Variants in RAD23B observed in about 807,000 individuals in gnomAD.
RAD23B encodes RAD23 nucleotide excision repair protein B.
A neutral mutation model predicts 49.1 loss-of-function variants in RAD23B; 5 were observed. That is an observed-to-expected ratio of 0.10 (90% CI 0.05 to 0.21). RAD23B has a LOEUF of 0.21. Among genes scored for constraint, RAD23B ranks in the 10% least tolerant of loss-of-function variants. RAD23B has a pLI of 1.00. For synonymous variants in RAD23B, 184 were observed against 165.4 expected, an observed-to-expected ratio of 1.11 and a Z score of -0.86; for missense variants, 356 against 486.7, an observed-to-expected ratio of 0.73 and a Z score of 2.53.
chr9:107,308,548 A>C (rs927097462), intron 4 of RAD23B, among the ~76,000 whole-genome samples: 11 of 152,086 alleles, frequency 7.2e-5, no homozygotes, highest in African/African-American at 2.7e-4. Flanking sequence ...TTCTTCCTGG[A>C]GTTGCAGTTT....
At chr9:107,300,687 G>A (rs190097985) in intron 2 of RAD23B, among the ~76,000 whole-genome samples, 27 of 152,196 alleles carry the variant, frequency 1.8e-4, no homozygotes, top group Non-Finnish European at 2.9e-4. Context: ...AATCAGTAAG[G>A]AAAGGATGAC....
chr9:107,299,994 G>T (rs1826614657), intron 1 of RAD23B, 147 bp from the exon 2 acceptor site: 2 of 1,028,746 alleles, frequency 1.9e-6, no homozygotes, highest in South Asian at 2.0e-5. Context: ...AATCTTTTTT[G>T]ATATAAATTG....
chr9:107,295,063 T>A (rs9632893), intron 1 of RAD23B, among the ~76,000 whole-genome samples: 24,868 of 150,138 alleles, frequency 0.17, 2,439 homozygotes, highest in Admixed American at 0.24. Flanking sequence ...AAGAGCAGTG[T>A]TAATGGAATG....
intron 1 of RAD23B, 41 bp downstream of exon 1, chr9:107,283,736 C>CCGCGGGGAG: frequency 7.3e-7 from 1 of 1,376,312 alleles, no homozygotes; most frequent in Non-Finnish European, 9.5e-7. Context: ...CGCGTGCGGG[C>CCGCGGGGAG]CGCGGGGAGC....
At chr9:107,301,993 A>T (rs1355362003) in intron 2 of RAD23B, 42 bp from the exon 3 acceptor site, 2 of 1,597,390 alleles carry the variant, frequency 1.3e-6, no homozygotes, top group Admixed American at 3.6e-5. Flanking sequence ...TGTAAGAGAA[A>T]GATTATGCCT....
Position 107,319,161 on chromosome 9 carries a change from C to A in RAD23B, c.681+282C>A, listed in dbSNP as rs11573687. Among the ~76,000 whole-genome samples, 295 of 120,494 alleles carry A rather than the reference C, an allele frequency of 2.4e-3. 5 individuals are homozygous for A. The South Asian group carries it at 0.043, about 18-fold the overall frequency. The allele number at this position is 120,494 out of a possible 152,430, so 79.0% of individuals were successfully genotyped here. ...TTTTTTTTTTTTTGAGACGGAGTCT[C>A]GCTCTGTCGCCCAGACTGGAGTGCA... On this transcript the variant is annotated intron_variant, in intron 6 of 9. Coordinates refer to ENST00000358015, the MANE Select transcript of RAD23B (RefSeq NM_002874.5).
intron 7 of RAD23B, among the ~76,000 whole-genome samples, chr9:107,323,147 C>G (rs1467166340): frequency 6.6e-6 from 1 of 152,140 alleles, no homozygotes; most frequent in Non-Finnish European, 1.5e-5. Context: ...CATAACCAGA[C>G]AAGTACCAGC....
At chr9:107,301,399 C>T (rs1826649212) in intron 2 of RAD23B, among the ~76,000 whole-genome samples, 1 of 152,218 alleles carries the variant, frequency 6.6e-6, no homozygotes, top group Non-Finnish European at 1.5e-5. Flanking sequence ...TCTTTATCTT[C>T]ATGATCTCCT....
In RAD23B at chr9:107,314,493, C is replaced by T. The variant is rs562667474; in HGVS notation, c.553+2756C>T. 1.0e-3 allele frequency among the ~76,000 whole-genome samples: 154 copies of T among 152,218 alleles called. 2 individuals are homozygous for T. Among genetic ancestry groups the T allele is most frequent in the African/African-American group, 3.4e-3 (141 of 41,542 alleles). On this transcript the variant is annotated intron_variant, in intron 5 of 9. Transcript: ENST00000358015. Reference sequence around the variant, plus strand: ...GGATAGTGGCCTCTGTAGTTCTATCCATGTTGCTGTAAAAAAGACATGGTT... The same window carrying T: ...GGATAGTGGCCTCTGTAGTTCTATCTATGTTGCTGTAAAAAAGACATGGTT...
chr9:107,288,778 C>T (rs946969657), intron 1 of RAD23B, among the ~76,000 whole-genome samples: 5 of 151,760 alleles, frequency 3.3e-5, no homozygotes, highest in Admixed American at 3.3e-4. Flanking sequence ...AATGAGCACT[C>T]GAGAATGAAG....
At chr9:107,323,828 T>C in intron 7 of RAD23B, 62 bp from the exon 8 acceptor site, 1 of 1,449,564 alleles carries the variant, frequency 6.9e-7, no homozygotes, top group South Asian at 1.1e-5. Flanking sequence ...AAATGTATTA[T>C]TTAACCACTG....
At chr9:107,297,874 G>A (rs2147072) in intron 1 of RAD23B, among the ~76,000 whole-genome samples, 83,457 of 151,858 alleles carry the variant, frequency 0.55, 23,111 homozygotes, top group East Asian at 0.75. Context: ...TCAAGAATGA[G>A]ATATTCCTGC....
At chr9:107,297,995 G>A (rs1016744662) in intron 1 of RAD23B, among the ~76,000 whole-genome samples, 3 of 152,092 alleles carry the variant, frequency 2.0e-5, no homozygotes, top group African/African-American at 4.8e-5. Context: ...CCCACTCCAT[G>A]CCAAGCCACT....
In RAD23B at chr9:107,322,105, A is replaced by G. The variant is rs4987014; in HGVS notation, c.804A>G (p.Thr268=). The G allele has an allele frequency of 2.4e-3, 3,879 of 1,606,918 alleles. 6 individuals are homozygous for G. The highest frequency in any genetic ancestry group is 2.7e-3 in the Non-Finnish European group (3,144 of 1,176,836). The part of the protein sequence containing the change: ...AAATTTATTT[T]TSSGGHPLEF... ...CAACTACGACAGCAACAACTACAAC[A>G]ACAAGTTCTGGAGGTAAAGCGGAAT... The change falls in exon 7 of 10, where the codon ACA becomes ACG. Residue 268 remains threonine, a synonymous_variant. Coordinates refer to ENST00000358015, the MANE Select transcript of RAD23B (RefSeq NM_002874.5).
chr9:107,303,886 A>G (rs1483722836), intron 3 of RAD23B, among the ~76,000 whole-genome samples: 1 of 152,248 alleles, frequency 6.6e-6, no homozygotes, highest in Non-Finnish European at 1.5e-5. Context: ...AATTAAGCAG[A>G]AAAAGTCTCA....
At chr9:107,322,219 A>G in intron 7 of RAD23B, 101 bp downstream of exon 7, 1 of 1,358,744 alleles carries the variant, frequency 7.4e-7, no homozygotes, top group South Asian at 1.7e-5. Context: ...TTCCCAGAGC[A>G]GTCGAATAAT....
chr9:107,319,080 T>C (rs2133092168), intron 6 of RAD23B, among the ~76,000 whole-genome samples: 1 of 152,118 alleles, frequency 6.6e-6, no homozygotes, highest in East Asian at 1.9e-4. Flanking sequence ...GTAGTAGCTT[T>C]TTAGGTGCCA....
intron 4 of RAD23B, among the ~76,000 whole-genome samples, chr9:107,310,743 C>G (rs1354368139): frequency 6.6e-6 from 1 of 152,174 alleles, no homozygotes; most frequent in African/African-American, 2.4e-5. Context: ...CGATGCCAGA[C>G]ACTTTGCTAA....
At chr9:107,313,974 C>G (rs1050065549) in intron 5 of RAD23B, among the ~76,000 whole-genome samples, 5 of 151,816 alleles carry the variant, frequency 3.3e-5, no homozygotes, top group African/African-American at 1.2e-4. Flanking sequence ...TCCCCTCATT[C>G]CACAGTTACT....
Sources: gnomAD v4.1 joint callset for allele counts (sites outside exome capture counted in the v4.1 genomes callset) on GRCh38, gnomAD v4.1.1 for gene constraint, MANE v1.5 for transcripts, NCBI Gene and HGNC (gene_info 2026-07-23, HGNC 2026-07-21) for gene names.